PPFIA2: variants seen among roughly 807,000 people sequenced by gnomAD.
PPFIA2 encodes the protein PPFI scaffold protein A2, also known as liprin-alpha-2.
A neutral mutation model predicts 175.5 loss-of-function variants in PPFIA2; 46 were observed. That is an observed-to-expected ratio of 0.26 (90% CI 0.21 to 0.34). PPFIA2 has a LOEUF of 0.34. Ranked by LOEUF, PPFIA2 falls within the 10% of genes least tolerant of loss-of-function variation. The probability of loss-of-function intolerance (pLI) is 1.00; values close to 1 mark genes in which losing one functional copy is unlikely to be tolerated. For missense variants in PPFIA2, 1,179 were observed against 1,506.1 expected (o/e 0.78, Z 3.60); for synonymous variants, 568 against 511.4 (o/e 1.11, Z -1.49).
At chr12:81,730,460 C>G (rs2080729502) in intron 3 of PPFIA2, among the ~76,000 whole-genome samples, 1 of 151,528 alleles carries the variant, frequency 6.6e-6, no homozygotes, top group Non-Finnish European at 1.5e-5. Context: ...TGAGGGCAAG[C>G]AGGGGAAATG....
chr12:81,547,376 C>CT (rs1555472670), intron 4 of PPFIA2, among the ~76,000 whole-genome samples: 45 of 148,602 alleles, frequency 3.0e-4, no homozygotes, highest in East Asian at 1.4e-3. Context: ...TTTTTCTTTC[C>CT]TTTTTTTTTT....
intron 4 of PPFIA2, among the ~76,000 whole-genome samples, chr12:81,614,736 C>A (rs1034040948): frequency 1.3e-5 from 2 of 151,994 alleles, no homozygotes; most frequent in Non-Finnish European, 2.9e-5. Flanking sequence ...TAACAATGAC[C>A]CCATAGTTAC....
intron 3 of PPFIA2, among the ~76,000 whole-genome samples, chr12:81,700,719 A>C (rs576886418): frequency 2.8e-3 from 433 of 152,272 alleles, no homozygotes; most frequent in African/African-American, 9.8e-3. Context: ...TTATCACAGA[A>C]ATATTCCAGA....
rs5799523 is a variant in PPFIA2, at chr12:81,362,005, GTATCTATCTATCTATCTATC to G, written c.1637+668_1637+687del. On this transcript the variant is annotated intron_variant, in intron 15 of 32. Coordinates refer to ENST00000549396, the MANE Select transcript of PPFIA2 (RefSeq NM_003625.5). ...TCTATGTATCTATCTATGTATCTAT[GTATCTATCTATCTATCTATC>G]TATCTATCTATCTATCTATCTATCT... 3.0e-3 allele frequency among the ~76,000 whole-genome samples: 450 copies of G among 147,586 alleles called. 5 individuals carry two copies. Among genetic ancestry groups the G allele is most frequent in the South Asian group, 0.027 (125 of 4,662 alleles).
At chr12:81,316,486 C>T (rs1455623829) in intron 22 of PPFIA2, among the ~76,000 whole-genome samples, 4 of 151,618 alleles carry the variant, frequency 2.6e-5, no homozygotes, top group South Asian at 4.2e-4. Flanking sequence ...TAGATTGATT[C>T]AAGCACACAT....
At chr12:81,328,233 G>T (rs2055255951) in intron 21 of PPFIA2, among the ~76,000 whole-genome samples, 1 of 152,136 alleles carries the variant, frequency 6.6e-6, no homozygotes, top group Non-Finnish European at 1.5e-5. Flanking sequence ...TCTAAATCCA[G>T]TGAGAGTCTG....
intron 3 of PPFIA2, among the ~76,000 whole-genome samples, chr12:81,680,104 A>C (rs952391523): frequency 6.6e-6 from 1 of 151,978 alleles, no homozygotes; most frequent in South Asian, 2.1e-4. Context: ...CTTCCTAGAA[A>C]GTTTTTTGAC....
At chr12:81,465,731 A>G (rs921247133) in intron 4 of PPFIA2, among the ~76,000 whole-genome samples, 14 of 152,162 alleles carry the variant, frequency 9.2e-5, no homozygotes, top group African/African-American at 3.1e-4. Flanking sequence ...CCGATTAATA[A>G]CAGAAGTATT....
intron 4 of PPFIA2, among the ~76,000 whole-genome samples, chr12:81,502,550 C>A (rs899725848): frequency 1.3e-5 from 2 of 152,136 alleles, no homozygotes; most frequent in African/African-American, 4.8e-5. Flanking sequence ...TTAAGGGAAA[C>A]ATGTAGTGGG....
intron 3 of PPFIA2, among the ~76,000 whole-genome samples, chr12:81,713,572 C>CA (rs1482193475): frequency 6.6e-6 from 1 of 151,112 alleles, no homozygotes; most frequent in Admixed American, 6.8e-5. Flanking sequence ...ATAAAAGAGA[C>CA]ACCATTTCCT....
intron 4 of PPFIA2, among the ~76,000 whole-genome samples, chr12:81,601,505 G>T (rs2059782711): frequency 6.6e-6 from 1 of 151,950 alleles, no homozygotes; most frequent in Admixed American, 6.6e-5. Context: ...GGATGGAAAA[G>T]TTTCTGTCTC....
At position 81,384,123 on chromosome 12, in the gene PPFIA2, G is replaced by A. The variant is rs750441871; in HGVS notation, c.884C>T (p.Ser295Phe). Residue 295 changes from serine to phenylalanine, a missense_variant, in exon 9 of 33, where the codon TCT (serine) becomes TTT (phenylalanine). Ser to Phe is a radical substitution (Grantham distance 155). Transcript: ENST00000549396. ...AQMKERLAAL[S>F]SRVGEVEQEA... is the part of the protein sequence containing the mutation. ...CTGTTCCACCTCTCCCACTCGGGAAGAAAGGGCTGCTAAACGTTCTTTCAT... is the reference window on the plus strand; with the variant it reads ...CTGTTCCACCTCTCCCACTCGGGAAAAAAGGGCTGCTAAACGTTCTTTCAT... 1 of 1,613,194 alleles carries A rather than the reference G, an allele frequency of 6.2e-7. No individual in the cohort carries two copies. Among genetic ancestry groups the A allele is most frequent in the Non-Finnish European group, 8.5e-7 (1 of 1,179,486 alleles).
chr12:81,281,564 G>A (rs1336210923), intron 26 of PPFIA2, 114 bp from the exon 27 acceptor site: 2 of 667,388 alleles, frequency 3.0e-6, no homozygotes, highest in Non-Finnish European at 4.6e-6. Flanking sequence ...TGGAAACAAA[G>A]CAAAAATAAT....
intron 4 of PPFIA2, among the ~76,000 whole-genome samples, chr12:81,563,710 A>T (rs1922410): frequency 0.13 from 19,692 of 152,192 alleles, 1,329 homozygotes; most frequent in Middle Eastern, 0.18. Context: ...AATATAAATG[A>T]CTTAAATCTT....
chr12:81,672,483 T>TG (rs1349745118), intron 4 of PPFIA2, among the ~76,000 whole-genome samples: 2 of 151,794 alleles, frequency 1.3e-5, no homozygotes, highest in Non-Finnish European at 2.9e-5. Flanking sequence ...GTTTCCTCAG[T>TG]GGGGAAAAAA....
intron 7 of PPFIA2, among the ~76,000 whole-genome samples, chr12:81,432,788 A>G (rs1415106682): frequency 6.6e-6 from 1 of 152,116 alleles, no homozygotes; most frequent in Non-Finnish European, 1.5e-5. Flanking sequence ...TGAGTTTGTT[A>G]ACATATTTAT....
intron 4 of PPFIA2, among the ~76,000 whole-genome samples, chr12:81,575,413 T>C (rs1434410914): frequency 6.6e-6 from 1 of 151,778 alleles, no homozygotes; most frequent in East Asian, 1.9e-4. Flanking sequence ...ATTCAAAGTG[T>C]TTCATGAGAA....
intron 7 of PPFIA2, among the ~76,000 whole-genome samples, chr12:81,408,172 T>C (rs1271270446): frequency 6.6e-6 from 1 of 152,116 alleles, no homozygotes; most frequent in African/African-American, 2.4e-5. Flanking sequence ...TGGAAATAGA[T>C]TACATCAAAG....
At chr12:81,362,636 A>G in intron 15 of PPFIA2, 57 bp downstream of exon 15, 1 of 1,182,506 alleles carries the variant, frequency 8.5e-7, no homozygotes, top group Non-Finnish European at 1.2e-6. Flanking sequence ...ATGAAACCAT[A>G]AGGGAATTCA....
Sources: gnomAD v4.1 joint callset for allele counts (sites outside exome capture counted in the v4.1 genomes callset) on GRCh38, gnomAD v4.1.1 for gene constraint, MANE v1.5 for transcripts, NCBI Gene and HGNC (gene_info 2026-07-23, HGNC 2026-07-21) for gene names.